The following GPAT4 variants were observed in gnomAD, a reference collection of about 807,000 sequenced individuals.
The protein encoded by GPAT4 is 1-AGP acyltransferase 6.
A neutral mutation model predicts 58.0 loss-of-function variants in GPAT4; 17 were observed. That is an observed-to-expected ratio of 0.29 (90% CI 0.20 to 0.44). The LOEUF (loss-of-function observed/expected upper bound fraction) is 0.44, where lower values mean the gene tolerates loss of function less well. Ranked by LOEUF, GPAT4 falls within the 20% of genes least tolerant of loss-of-function variation. The probability of loss-of-function intolerance (pLI) is 1.00; values close to 1 mark genes in which losing one functional copy is unlikely to be tolerated. For missense variants in GPAT4, 377 were observed against 574.5 expected (o/e 0.66, Z 3.51); for synonymous variants, 204 against 210.1 (o/e 0.97, Z 0.25).
chr8:41,615,985 T>C (rs1209989316), intron 10 of GPAT4, among the ~76,000 whole-genome samples: 1 of 152,176 alleles, frequency 6.6e-6, no homozygotes, highest in Non-Finnish European at 1.5e-5. Context: ...CAGATGAATA[T>C]TGCCTGCAGG....
Position 41,599,233 on chromosome 8 carries a change from G to C in GPAT4, c.94G>C (p.Val32Leu). Residue 32 changes from valine to leucine, a missense_variant, in exon 2 of 13, where the codon GTG becomes CTG. Coordinates refer to ENST00000396987, the MANE Select transcript of GPAT4 (RefSeq NM_178819.4). ...CACCCTCCTTCTCGTTTTCATCATA[G>C]TGCCAGCCATTTTTGGAGTCTCCTT... Reference protein sequence around the residue: ...LFTLLLVFIIVPAIFGVSFGI... With the variant: ...LFTLLLVFIILPAIFGVSFGI... 6.2e-7 allele frequency: 1 copy of C among 1,614,006 alleles called. No homozygotes were observed. The highest frequency in any genetic ancestry group is 8.5e-7 in the Non-Finnish European group (1 of 1,179,980).
intron 1 of GPAT4, among the ~76,000 whole-genome samples, chr8:41,580,680 T>C (rs1179073553): frequency 1.3e-5 from 2 of 152,222 alleles, no homozygotes; most frequent in Non-Finnish European, 2.9e-5. Flanking sequence ...ACTTTCAGGA[T>C]GGACTTTTCT....
At chr8:41,583,087 G>A (rs79217142) in intron 1 of GPAT4, among the ~76,000 whole-genome samples, 7,338 of 152,132 alleles carry the variant, frequency 0.048, 229 homozygotes, top group African/African-American at 0.066. Flanking sequence ...CTAGCCGGCT[G>A]TGGTGGCCTG....
At chr8:41,620,783 G>A in intron 12 of GPAT4, 110 bp from the exon 13 acceptor site, 1 of 1,494,428 alleles carries the variant, frequency 6.7e-7, no homozygotes, top group South Asian at 1.3e-5. Flanking sequence ...GGGGTACCCT[G>A]TTTCTGGCAG....
At chr8:41,620,783 G>T (rs1334873256) in intron 12 of GPAT4, 110 bp from the exon 13 acceptor site, 1 of 1,494,310 alleles carries the variant, frequency 6.7e-7, no homozygotes, top group Admixed American at 2.1e-5. Flanking sequence ...GGGGTACCCT[G>T]TTTCTGGCAG....
rs755038220 is a variant in GPAT4, at chr8:41,599,266, C to T, written c.127C>T (p.Arg43Cys). The part of the protein sequence containing the change: ...PAIFGVSFGI[R>C]KLYMKSLLKI... Reference sequence around the variant, plus strand: ...CATTTTTGGAGTCTCCTTTGGTATCCGCAAACTCTACATGAAAAGTCTGTT... The same window carrying T: ...CATTTTTGGAGTCTCCTTTGGTATCTGCAAACTCTACATGAAAAGTCTGTT... Residue 43 changes from arginine to cysteine, a missense_variant, in exon 2 of 13, where the codon CGC becomes TGC. Coordinates refer to ENST00000396987, the MANE Select transcript of GPAT4 (RefSeq NM_178819.4). 2.5e-6 allele frequency: 4 copies of T among 1,613,720 alleles called. No homozygotes were observed. The highest frequency in any genetic ancestry group is 2.2e-5 in the South Asian group (2 of 91,042).
At chr8:41,582,674 AGT>A (rs34365074) in intron 1 of GPAT4, among the ~76,000 whole-genome samples, 45 of 142,476 alleles carry the variant, frequency 3.2e-4, no homozygotes, top group African/African-American at 8.2e-4. Context: ...AGAGAGAGAG[AGT>A]GTGTGTGTGT....
Position 41,609,497 on chromosome 8 carries a change from GT to G in GPAT4, c.235+13del, listed in dbSNP as rs1471556636. On this transcript the variant is annotated intron_variant, in intron 3 of 12. Transcript: ENST00000396987. ...GCCCTACACCAACGGTAAGATGGGGGTGTGATCCTTGTCCTGAGAGGTCCAT... is the reference window on the plus strand; with the variant it reads ...GCCCTACACCAACGGTAAGATGGGGGGTGATCCTTGTCCTGAGAGGTCCAT... 1 of 1,613,852 alleles carries G rather than the reference GT, an allele frequency of 6.2e-7. No individual in the cohort carries two copies. Among genetic ancestry groups the G allele is most frequent in the Non-Finnish European group, 8.5e-7 (1 of 1,179,832 alleles).
intron 1 of GPAT4, among the ~76,000 whole-genome samples, chr8:41,593,515 C>T (rs1022056595): frequency 2.6e-5 from 4 of 152,172 alleles, no homozygotes; most frequent in South Asian, 2.1e-4. Flanking sequence ...ATGCTTCGGC[C>T]GTGTGTGGAC....
At chr8:41,612,795 A>AT (rs746385673) in intron 7 of GPAT4, 50 bp from the exon 8 acceptor site, 9 of 1,506,174 alleles carry the variant, frequency 6.0e-6, no homozygotes, top group Admixed American at 3.6e-5. Context: ...GAGTGGGGAG[A>AT]TTCGTGTGAA....
At chr8:41,585,531 AT>A (rs1160016021) in intron 1 of GPAT4, among the ~76,000 whole-genome samples, 34 of 152,196 alleles carry the variant, frequency 2.2e-4, no homozygotes, top group African/African-American at 8.2e-4. Flanking sequence ...TATGGTGATG[AT>A]TAGTAGTAGA....
In GPAT4 at chr8:41,598,883, T is replaced by C. The variant is rs1585659895; in HGVS notation, c.-257T>C. 6.6e-6 allele frequency: 3 copies of C among 452,332 alleles called. No individual in the cohort carries two copies. The highest frequency in any genetic ancestry group is 7.7e-5 in the South Asian group (2 of 25,828). The allele number at this position is 452,332 out of a possible 1,614,324, so 28.0% of individuals were successfully genotyped here. A position where few individuals can be genotyped will look rare whatever the true frequency, so the allele number is the denominator to read the frequency against. ...CGGATGCTTTTACTGAAGACCCATC[T>C]AGCTTCAATCATCTTTAGAGTCCAT... is the stretch of plus-strand genomic sequence containing the variant. On this transcript the variant is annotated 5_prime_UTR_variant, in exon 2 of 13. Coordinates refer to ENST00000396987, the MANE Select transcript of GPAT4 (RefSeq NM_178819.4).
chr8:41,593,804 A>G (rs974090539), intron 1 of GPAT4, among the ~76,000 whole-genome samples: 1 of 152,248 alleles, frequency 6.6e-6, no homozygotes, highest in East Asian at 1.9e-4. Context: ...TAAACCAAGT[A>G]TATGATTTTT....
chr8:41,600,125 G>C (rs1803047304), intron 2 of GPAT4, among the ~76,000 whole-genome samples: 2 of 138,220 alleles, frequency 1.4e-5, no homozygotes, highest in Admixed American at 1.6e-4. Context: ...TGCAACCCCT[G>C]CCTCCCGGGT....
At chr8:41,586,106 C>T (rs1563267835) in intron 1 of GPAT4, among the ~76,000 whole-genome samples, 1 of 152,232 alleles carries the variant, frequency 6.6e-6, no homozygotes, top group African/African-American at 2.4e-5. Context: ...CTCTCGCCAG[C>T]TCTAAAGTAA....
chr8:41,600,031 C>CTTTTTTTTTTTTTTTTTTTTTT (rs1563273268), intron 2 of GPAT4, among the ~76,000 whole-genome samples: 1 of 75,446 alleles, frequency 1.3e-5, no homozygotes, highest in African/African-American at 5.6e-5. Flanking sequence ...TTATCTTTTT[C>CTTTTTTTTTTTTTTTTTTTTTT]TTTTCTTTTT....
chr8:41,601,032 C>T (rs1803079039), intron 2 of GPAT4, among the ~76,000 whole-genome samples: 1 of 152,080 alleles, frequency 6.6e-6, no homozygotes, highest in African/African-American at 2.4e-5. Flanking sequence ...CAAGGATGGG[C>T]TGTTTCTACC....
Position 41,610,787 on chromosome 8 carries a change from G to C in GPAT4, c.588G>C (p.Val196=). The C allele has an allele frequency of 1.9e-6, 3 of 1,611,806 alleles. No individual in the cohort carries two copies. The highest frequency in any genetic ancestry group is 1.7e-6 in the Non-Finnish European group (2 of 1,178,738). ...GISLLVVGTT[V]VGYLPNGRFK... is the part of the protein sequence containing the mutation. ...GCCTTCTGGTGGTGGGCACAACTGTGGTGGGATACTTGCCAAATGGGAGGT... is the reference window on the plus strand; with the variant it reads ...GCCTTCTGGTGGTGGGCACAACTGTCGTGGGATACTTGCCAAATGGGAGGT... Residue 196 remains valine, a synonymous_variant, in exon 5 of 13, where the codon GTG becomes GTC. Transcript: ENST00000396987.
At chr8:41,612,627 T>C (rs1369051758) in intron 7 of GPAT4, among the ~76,000 whole-genome samples, 2 of 152,250 alleles carry the variant, frequency 1.3e-5, no homozygotes. Context: ...GTTTCAGTTA[T>C]GTTTTTAATT....
Sources: allele counts gnomAD v4.1 joint callset (sites outside exome capture counted in the v4.1 genomes callset), GRCh38; gene constraint gnomAD v4.1.1; transcripts MANE v1.5; gene names NCBI Gene and HGNC (gene_info 2026-07-23, HGNC 2026-07-21).